The following DNAAF6 variants were observed in gnomAD, a reference collection of about 807,000 sequenced individuals.
The protein encoded by DNAAF6 is PIH1 domain containing 3.
DNAAF6 carries 3 observed loss-of-function variants against 13.7 expected under a neutral mutation model. That is an observed-to-expected ratio of 0.22 (90% CI 0.10 to 0.56). DNAAF6 has a LOEUF of 0.56. Among genes scored for constraint, DNAAF6 ranks in the 20% least tolerant of loss-of-function variants. DNAAF6 has a pLI of 0.92. For synonymous variants in DNAAF6, 54 were observed against 49.2 expected (o/e 1.10, Z -0.41); for missense variants, 130 against 151.0 (o/e 0.86, Z 0.73).
chrX:107,222,565 C>T (rs1016523468), intron 4 of DNAAF6, among the ~76,000 whole-genome samples, 180 bp from the exon 5 acceptor site: 2 of 111,115 alleles, frequency 1.8e-5, no homozygotes, highest in East Asian at 5.6e-4. Context: ...TTATTTTGAC[C>T]ACATTTCTAG....
At chrX:107,212,727 T>G in intron 1 of DNAAF6, 146 bp from the exon 2 acceptor site, 1 of 712,623 alleles carries the variant, frequency 1.4e-6, no homozygotes, top group Non-Finnish European at 1.9e-6. Context: ...TACATATATT[T>G]GAAGGAGTTT....
intron 3 of DNAAF6, among the ~76,000 whole-genome samples, chrX:107,217,661 A>C (rs1027237459): frequency 8.9e-6 from 1 of 112,496 alleles, no homozygotes; most frequent in Non-Finnish European, 1.9e-5. Context: ...AAAAATATAA[A>C]AGGCTCTAAT....
chrX:107,241,827 T>G (rs1928630202), intron 6 of DNAAF6, among the ~76,000 whole-genome samples: 1 of 111,893 alleles, frequency 8.9e-6, no homozygotes, highest in Non-Finnish European at 1.9e-5. Flanking sequence ...TAACTGTCTC[T>G]TTTGAATTTA....
chrX:107,217,589 T>C (rs1264671242), intron 3 of DNAAF6, among the ~76,000 whole-genome samples: 1 of 112,308 alleles, frequency 8.9e-6, no homozygotes, highest in Non-Finnish European at 1.9e-5. Flanking sequence ...AATAATATTT[T>C]TACATTTCCC....
intron 2 of DNAAF6, 89 bp from the exon 3 acceptor site, chrX:107,216,582 T>C: frequency 1.7e-6 from 1 of 603,312 alleles, no homozygotes; most frequent in East Asian, 3.9e-5. Flanking sequence ...AGTTTTTTTA[T>C]GGAAATCCTA....
At chrX:107,209,734 C>T (rs1927809401) in intron 1 of DNAAF6, among the ~76,000 whole-genome samples, 1 of 112,082 alleles carries the variant, frequency 8.9e-6, no homozygotes, top group Non-Finnish European at 1.9e-5. Context: ...GCGCCCAGCC[C>T]TGCTTGGTGG....
chrX:107,235,286 G>C lies in DNAAF6; in HGVS notation c.430-3636G>C, dbSNP rs200758430. Among the ~76,000 whole-genome samples the C allele has an allele frequency of 3.6e-5, 4 of 111,649 alleles. No homozygotes were observed. The East Asian group carries it at 1.1e-3, about 31-fold the overall frequency. ...AAGGCAGATATTTGAAATAAAGTTA[G>C]TGATGGATACTGGGGTAACCAGCTT... On this transcript the variant is annotated intron_variant, in intron 5 of 6. Coordinates refer to ENST00000372453, the MANE Select transcript of DNAAF6 (RefSeq NM_173494.2).
intron 4 of DNAAF6, among the ~76,000 whole-genome samples, chrX:107,219,596 T>G (rs1928074381): frequency 8.9e-6 from 1 of 111,737 alleles, no homozygotes; most frequent in South Asian, 3.7e-4. Context: ...TAAAATATAT[T>G]TATATACATA....
At chrX:107,242,531 G>A (rs905699365) in intron 6 of DNAAF6, among the ~76,000 whole-genome samples, 3 of 112,507 alleles carry the variant, frequency 2.7e-5, no homozygotes, top group Non-Finnish European at 5.6e-5. Flanking sequence ...TGCCAATATG[G>A]CAGAATTATG....
At chrX:107,208,474 T>TG (rs1428743349) in intron 1 of DNAAF6, among the ~76,000 whole-genome samples, 1 of 110,647 alleles carries the variant, frequency 9.0e-6, no homozygotes, top group Non-Finnish European at 1.9e-5. Context: ...CAAAAAGGAT[T>TG]GGGATGGTAC....
intron 2 of DNAAF6, among the ~76,000 whole-genome samples, chrX:107,215,646 G>C (rs931843266): frequency 9.0e-6 from 1 of 111,584 alleles, no homozygotes; most frequent in Non-Finnish European, 1.9e-5. Flanking sequence ...AAAGACCCAC[G>C]TGAGCTGTTC....
In DNAAF6 at chrX:107,212,900, G is replaced by C. The variant is rs770708166; in HGVS notation, c.25G>C (p.Glu9Gln). ...AATGGAATCTGAAAATATGGATTCT[G>C]AAAATATGAAGACAGAAAATATGGA... is the stretch of plus-strand genomic sequence containing the variant. MESENMDS[E>Q]NMKTENMESQ... is the part of the protein sequence containing the mutation. Residue 9 changes from glutamate (E) to glutamine (Q), a missense_variant, in exon 2 of 7, where the codon GAA becomes CAA. Glu to Gln is a conservative substitution (Grantham distance 29). Transcript: ENST00000372453. The C allele has an allele frequency of 1.1e-5, 13 of 1,194,412 alleles. No individual in the cohort carries two copies. In the African/African-American group the frequency reaches 1.9e-4, roughly 18 times the overall value.
chrX:107,222,718 T>A (rs778644970), intron 4 of DNAAF6, 27 bp from the exon 5 acceptor site: 1 of 1,184,097 alleles, frequency 8.4e-7, no homozygotes, highest in East Asian at 3.0e-5. Flanking sequence ...TTCATCTGAG[T>A]CCCTATAATC....
intron 5 of DNAAF6, among the ~76,000 whole-genome samples, chrX:107,231,653 A>G (rs1359142694): frequency 9.0e-6 from 1 of 110,590 alleles, no homozygotes; most frequent in Non-Finnish European, 1.9e-5. Context: ...AGTGCCTATG[A>G]TTTGCCACTA....
intron 5 of DNAAF6, among the ~76,000 whole-genome samples, chrX:107,236,570 C>T (rs1476926813): frequency 5.4e-5 from 6 of 111,778 alleles, no homozygotes; most frequent in Admixed American, 9.5e-5. Context: ...TGTCCCTTCT[C>T]TTGTCTCTTC....
intron 5 of DNAAF6, among the ~76,000 whole-genome samples, chrX:107,236,134 A>C (rs1928508263): frequency 1.8e-5 from 2 of 111,550 alleles, no homozygotes; most frequent in Non-Finnish European, 3.8e-5. Flanking sequence ...AGCCTGTCTC[A>C]AAAATAAACA....
chrX:107,235,929 C>G (rs930752362), intron 5 of DNAAF6, among the ~76,000 whole-genome samples: 30 of 108,564 alleles, frequency 2.8e-4, no homozygotes, highest in African/African-American at 1.0e-3. Context: ...GAATTTGAGA[C>G]CAGCCCGAGC....
intron 6 of DNAAF6, among the ~76,000 whole-genome samples, chrX:107,242,594 C>T (rs1928646874): frequency 2.7e-5 from 3 of 112,716 alleles, no homozygotes; most frequent in East Asian, 2.8e-4. Flanking sequence ...AGCAACTGAA[C>T]TATAAACCAC....
chrX:107,207,527 GA>G (rs1352044484), intron 1 of DNAAF6: 4 of 111,830 alleles, frequency 3.6e-5, no homozygotes, highest in African/African-American at 1.3e-4. Context: ...ACCAAAGAGG[GA>G]GGAGTCATTA....
Sources: allele counts gnomAD v4.1 joint callset (sites outside exome capture counted in the v4.1 genomes callset), GRCh38; gene constraint gnomAD v4.1.1; transcripts MANE v1.5; gene names NCBI Gene and HGNC (gene_info 2026-07-23, HGNC 2026-07-21).